The following CSMD1 variants were observed in gnomAD, a reference collection of about 807,000 sequenced individuals.
The protein encoded by CSMD1 is CUB and sushi domain-containing protein 1.
Under a neutral mutation model 417.5 loss-of-function variants are expected in CSMD1, and 213 were observed. The ratio of observed to expected loss-of-function variants is 0.51; its 90% CI spans 0.46 to 0.57. The LOEUF (loss-of-function observed/expected upper bound fraction) is 0.57. Among genes scored for constraint, CSMD1 ranks in the 20% least tolerant of loss-of-function variants. CSMD1 has a pLI of 0.00. For missense variants in CSMD1, 6,923 were observed against 4,529.7 expected (o/e 1.53, Z -15.17); for synonymous variants, 2,862 against 1,736.8 (o/e 1.65, Z -16.11).
intron 1 of CSMD1, among the ~76,000 whole-genome samples, chr8:4,974,142 G>C (rs556482152): frequency 2.6e-5 from 4 of 151,686 alleles, no homozygotes; most frequent in South Asian, 2.1e-4. Context: ...TCAGCCTCCC[G>C]AGTAGCTGAG....
At chr8:3,138,341 A>G (rs1818229734) in intron 41 of CSMD1, among the ~76,000 whole-genome samples, 1 of 152,208 alleles carries the variant, frequency 6.6e-6, no homozygotes, top group South Asian at 2.1e-4. Flanking sequence ...GATCCAGATG[A>G]CTGAGTGGCC....
chr8:4,524,765 C>T (rs969391345), intron 2 of CSMD1, among the ~76,000 whole-genome samples: 8 of 152,028 alleles, frequency 5.3e-5, no homozygotes, highest in Non-Finnish European at 7.4e-5. Flanking sequence ...ATGATTCTAT[C>T]GACAAAGTAT....
intron 15 of CSMD1, among the ~76,000 whole-genome samples, chr8:3,403,841 C>G (rs992307718): frequency 6.6e-6 from 1 of 152,136 alleles, no homozygotes; most frequent in Non-Finnish European, 1.5e-5. Context: ...AAGATGAAAA[C>G]CTACCCATTT....
intron 1 of CSMD1, among the ~76,000 whole-genome samples, chr8:4,937,305 G>T (rs1436590578): frequency 6.6e-6 from 1 of 152,146 alleles, no homozygotes; most frequent in African/African-American, 2.4e-5. Context: ...CATATTCATG[G>T]ACTCTACAAG....
chr8:4,148,519 TA>T (rs200452249), intron 3 of CSMD1, among the ~76,000 whole-genome samples: 27,348 of 147,768 alleles, frequency 0.19, 2,698 homozygotes, highest in East Asian at 0.3. Context: ...AAAGTATAAT[TA>T]AAAAAAAAAA....
At chr8:3,570,011 A>G (rs995322) in intron 10 of CSMD1, among the ~76,000 whole-genome samples, 131,528 of 152,232 alleles carry the variant, frequency 0.86, 57,135 homozygotes, top group Non-Finnish European at 0.89. Context: ...CAATGTCTGC[A>G]TAAGTGTACA....
intron 15 of CSMD1, among the ~76,000 whole-genome samples, chr8:3,400,204 T>C (rs1176562083): frequency 1.3e-5 from 2 of 152,164 alleles, no homozygotes; most frequent in Non-Finnish European, 2.9e-5. Flanking sequence ...TAAAGGAATT[T>C]TAAATAGCAT....
At chr8:4,939,718 G>C (rs1478411295) in intron 1 of CSMD1, among the ~76,000 whole-genome samples, 1 of 152,158 alleles carries the variant, frequency 6.6e-6, no homozygotes, top group Non-Finnish European at 1.5e-5. Flanking sequence ...AATTTCAAGT[G>C]ATCTATTGTA....
intron 10 of CSMD1, among the ~76,000 whole-genome samples, chr8:3,561,369 C>G (rs968872770): frequency 1.3e-5 from 2 of 152,162 alleles, no homozygotes; most frequent in African/African-American, 4.8e-5. Flanking sequence ...ATAGCAAAGT[C>G]ATAGAATCAA....
At chr8:4,452,877 T>A (rs1037645549) in intron 2 of CSMD1, among the ~76,000 whole-genome samples, 1 of 152,182 alleles carries the variant, frequency 6.6e-6, no homozygotes, top group African/African-American at 2.4e-5. Flanking sequence ...AGGCCGACTG[T>A]GAAACAAATT....
intron 3 of CSMD1, among the ~76,000 whole-genome samples, chr8:4,273,314 T>C (rs996121950): frequency 4.6e-5 from 7 of 152,182 alleles, no homozygotes; most frequent in African/African-American, 7.2e-5. Context: ...TCCAGTTTTA[T>C]GTCAAAAGTC....
At position 3,562,842 on chromosome 8, in the gene CSMD1, G is replaced by A. The variant is rs1448360949; in HGVS notation, c.1344+12103C>T. Reference sequence around the variant, plus strand: ...GCACTAGGCTTATTTACCGGGTGATGAAATAATCTGTACAACAAACCCCCA... The same window carrying A: ...GCACTAGGCTTATTTACCGGGTGATAAAATAATCTGTACAACAAACCCCCA... On this transcript the variant is annotated intron_variant, in intron 10 of 69. Transcript: ENST00000635120. Among the ~76,000 whole-genome samples, 3 of 151,750 alleles carry A rather than the reference G, an allele frequency of 2.0e-5. No individual in the cohort carries two copies. The East Asian group carries it at 5.8e-4, about 30-fold the overall frequency.
At position 2,995,442 on chromosome 8, in the gene CSMD1, G is replaced by A. The variant is rs534270713; in HGVS notation, c.8377+2569C>T. Among the ~76,000 whole-genome samples, 709 of 152,302 alleles carry A rather than the reference G, an allele frequency of 4.7e-3. 1 individual carries two copies. Among genetic ancestry groups the A allele is most frequent in the Non-Finnish European group, 8.4e-3 (571 of 68,022 alleles). On this transcript the variant is annotated intron_variant, in intron 54 of 69. Coordinates refer to ENST00000635120, the MANE Select transcript of CSMD1 (RefSeq NM_033225.6). The stretch of plus-strand genomic sequence containing the variant: ...GAAACTTCATCGCCCACACATGTTG[G>A]GTAGGGATGACAAATAGTACCGCCA...
At chr8:4,946,908 G>C (rs1039304683) in intron 1 of CSMD1, among the ~76,000 whole-genome samples, 3 of 152,154 alleles carry the variant, frequency 2.0e-5, no homozygotes, top group East Asian at 3.9e-4. Flanking sequence ...GTTTCTTTTA[G>C]AAAGACAGAG....
chr8:3,728,598 A>C (rs2623744), intron 6 of CSMD1, among the ~76,000 whole-genome samples: 119,143 of 152,110 alleles, frequency 0.78, 48,589 homozygotes, highest in Non-Finnish European at 0.91. Context: ...ACATTAACCA[A>C]AGAAAAAGGG....
intron 5 of CSMD1, among the ~76,000 whole-genome samples, chr8:3,816,809 G>C (rs1801393124): frequency 6.6e-6 from 1 of 151,958 alleles, no homozygotes; most frequent in Admixed American, 6.6e-5. Flanking sequence ...TATAGGGTTT[G>C]GTACTATTTG....
intron 11 of CSMD1, among the ~76,000 whole-genome samples, chr8:3,473,892 G>A (rs1817251480): frequency 2.0e-5 from 3 of 152,102 alleles, no homozygotes; most frequent in African/African-American, 7.2e-5. Context: ...TCATGGTAGA[G>A]GGTGAAAGGG....
In CSMD1 at chr8:4,146,593, C is replaced by CTTTTTTTTTTTTTTTTTTTTTTTTTTT. The variant is rs1208930261; in HGVS notation, c.416-114495_416-114494insAAAAAAAAAAAAAAAAAAAAAAAAAAA. The stretch of plus-strand genomic sequence containing the variant: ...ATCTGTCTAAATGTTTATATGGACA[C>CTTTTTTTTTTTTTTTTTTTTTTTTTTT]ATTTTTTTTTTTTTTTTTTTTTTTT... On this transcript the variant is annotated intron_variant, in intron 3 of 69. Transcript: ENST00000635120. 6.6e-5 allele frequency among the ~76,000 whole-genome samples: 6 copies of CTTTTTTTTTTTTTTTTTTTTTTTTTTT among 90,762 alleles called. 3 individuals are homozygous for CTTTTTTTTTTTTTTTTTTTTTTTTTTT. The highest frequency in any genetic ancestry group is 3.9e-5 in the Non-Finnish European group (2 of 51,300). 59.5% of individuals were successfully genotyped at this position (90,762 alleles called of 152,430 possible).
chr8:4,502,522 C>T (rs932207065), intron 2 of CSMD1, among the ~76,000 whole-genome samples: 4 of 152,184 alleles, frequency 2.6e-5, no homozygotes, highest in Non-Finnish European at 4.4e-5. Flanking sequence ...TCCATGCAAA[C>T]ACACATTAAA....
Sources: allele counts gnomAD v4.1 joint callset (sites outside exome capture counted in the v4.1 genomes callset), GRCh38; gene constraint gnomAD v4.1.1; transcripts MANE v1.5; gene names NCBI Gene and HGNC (gene_info 2026-07-23, HGNC 2026-07-21).